The following ERC1 variants were observed in gnomAD, a reference collection of about 807,000 sequenced individuals.
The protein encoded by ERC1 is ELKS/RAB6-interacting/CAST family member 1, also known as RAB6 interacting protein 2.
A neutral mutation model predicts 132.0 loss-of-function variants in ERC1; 56 were observed. That is an observed-to-expected ratio of 0.42 (90% CI 0.34 to 0.53). ERC1 has a LOEUF of 0.53. Ranked by LOEUF, ERC1 falls within the 20% of genes least tolerant of loss-of-function variation. ERC1 has a pLI of 0.03. For synonymous variants in ERC1, 478 were observed against 476.1 expected, an observed-to-expected ratio of 1.00 and a Z score of -0.05; for missense variants, 1,202 against 1,349.9, an observed-to-expected ratio of 0.89 and a Z score of 1.72.
At chr12:1,196,947 CACACACACACACACATATATAT>C (rs1566214597) in intron 12 of ERC1, among the ~76,000 whole-genome samples, 1 of 37,602 alleles carries the variant, frequency 2.7e-5, no homozygotes, top group East Asian at 3.7e-4. Context: ...CACACACACA[CACACACACACACACATATATAT>C]ATATATATTT....
intron 5 of ERC1, among the ~76,000 whole-genome samples, chr12:1,111,904 G>A (rs746836159): frequency 5.9e-5 from 9 of 152,048 alleles, no homozygotes; most frequent in Non-Finnish European, 1.0e-4. Flanking sequence ...GAGCTGCTGC[G>A]CCTGGCCTCA....
chr12:1,037,707 T>C (rs925881808), intron 2 of ERC1, among the ~76,000 whole-genome samples: 3 of 152,130 alleles, frequency 2.0e-5, no homozygotes, highest in Admixed American at 2.0e-4. Flanking sequence ...GCACAAATAT[T>C]AAGGTTTTAA....
intron 8 of ERC1, among the ~76,000 whole-genome samples, chr12:1,168,032 A>G (rs1462555282): frequency 1.3e-5 from 2 of 152,040 alleles, no homozygotes; most frequent in Non-Finnish European, 1.5e-5. Context: ...GGCTTCTTAT[A>G]TACAGTGCAT....
chr12:1,429,226 G>C (rs932524419), intron 17 of ERC1, among the ~76,000 whole-genome samples: 1 of 152,218 alleles, frequency 6.6e-6, no homozygotes, highest in African/African-American at 2.4e-5. Context: ...TAGATTGTCT[G>C]TGTCTTCATG....
intron 8 of ERC1, among the ~76,000 whole-genome samples, chr12:1,161,461 A>C (rs185002032): frequency 6.6e-6 from 1 of 152,344 alleles, no homozygotes. Context: ...AGAGCTCTGC[A>C]TATGAATGCC....
At position 1,402,216 on chromosome 12, in the gene ERC1, C is replaced by T. The variant is rs1257951569; in HGVS notation, c.2926-5933C>T. 2.6e-5 allele frequency among the ~76,000 whole-genome samples: 4 copies of T among 152,128 alleles called. No homozygotes were observed. In the East Asian group the frequency reaches 5.8e-4, roughly 22 times the overall value. On this transcript the variant is annotated intron_variant, in intron 16 of 18. Transcript: ENST00000360905. ...AGCAGTTCTTGGAGGAAAATTTATA[C>T]TCTTAACACATATATAAAATTGAAA... is the stretch of plus-strand genomic sequence containing the variant.
intron 3 of ERC1, among the ~76,000 whole-genome samples, chr12:1,100,242 AC>A (rs747070582): frequency 8.7e-4 from 132 of 152,168 alleles, no homozygotes; most frequent in Non-Finnish European, 1.3e-3. Context: ...CAAGAGGGTG[AC>A]TGACATGTTG....
At chr12:1,004,491 C>T (rs1366245305) in intron 1 of ERC1, among the ~76,000 whole-genome samples, 1 of 148,034 alleles carries the variant, frequency 6.8e-6, no homozygotes, top group Non-Finnish European at 1.5e-5. Context: ...ACTGCAACCT[C>T]CGCCTCCTGG....
intron 1 of ERC1, among the ~76,000 whole-genome samples, chr12:1,015,320 A>T (rs1965345101): frequency 6.6e-6 from 1 of 151,944 alleles, no homozygotes; most frequent in Non-Finnish European, 1.5e-5. Flanking sequence ...CAGCCTTTTA[A>T]AGTGCTGGGA....
At position 1,027,672 on chromosome 12, in the gene ERC1, G is replaced by T. The variant is rs1006203143; in HGVS notation, c.-156-76G>T. ...GGTAGAAGGGCTAGATCTTCTTTAA[G>T]TGGGGGTAATGGAAAGTCTCTGAGA... is the stretch of plus-strand genomic sequence containing the variant. On this transcript the variant is annotated intron_variant, in intron 1 of 18. Transcript: ENST00000360905. 1.5e-5 allele frequency: 8 copies of T among 525,494 alleles called. No individual in the cohort carries two copies. In the Admixed American group the frequency reaches 2.0e-4, roughly 13 times the overall value. 32.6% of individuals were successfully genotyped at this position (525,494 alleles called of 1,614,324 possible). A position where few individuals can be genotyped will look rare whatever the true frequency, so the allele number is the denominator to read the frequency against.
chr12:1,427,400 C>T (rs1361156382), intron 17 of ERC1, among the ~76,000 whole-genome samples: 1 of 152,196 alleles, frequency 6.6e-6, no homozygotes, highest in Non-Finnish European at 1.5e-5. Flanking sequence ...CGTCCATAAT[C>T]CCATCACCCC....
intron 4 of ERC1, among the ~76,000 whole-genome samples, chr12:1,109,785 C>T (rs975610977): frequency 2.0e-5 from 3 of 152,204 alleles, no homozygotes; most frequent in South Asian, 2.1e-4. Flanking sequence ...TGGTGGCTCA[C>T]GCCCATAAGC....
chr12:1,106,148 A>G (rs1367889558), intron 4 of ERC1, among the ~76,000 whole-genome samples: 1 of 152,250 alleles, frequency 6.6e-6, no homozygotes, highest in African/African-American at 2.4e-5. Context: ...CAGTTTCTTT[A>G]TCAACAAATG....
rs982382720 is a variant in ERC1, at chr12:1,144,650, G to A, written c.1737+2863G>A. ...TATATATATACGTGTATATATATAC[G>A]TATATATATATATACACACCACATT... On this transcript the variant is annotated intron_variant, in intron 8 of 18. Coordinates refer to ENST00000360905, the MANE Select transcript of ERC1 (RefSeq NM_178040.4). 1.4e-4 allele frequency among the ~76,000 whole-genome samples: 19 copies of A among 140,340 alleles called. No individual in the cohort carries two copies. In the East Asian group the frequency reaches 2.2e-3, roughly 16 times the overall value. The allele number at this position is 140,340 out of a possible 152,430, so 92.1% of individuals were successfully genotyped here. A position where few individuals can be genotyped will look rare whatever the true frequency, so the allele number is the denominator to read the frequency against.
chr12:1,381,509 C>T (rs1353017529), intron 16 of ERC1, among the ~76,000 whole-genome samples: 2 of 151,640 alleles, frequency 1.3e-5, no homozygotes, highest in African/African-American at 4.8e-5. Flanking sequence ...TCAATGGCCT[C>T]TATTGACTAG....
At chr12:1,033,538 A>G (rs1366469961) in intron 2 of ERC1, among the ~76,000 whole-genome samples, 1 of 150,790 alleles carries the variant, frequency 6.6e-6, no homozygotes, top group Non-Finnish European at 1.5e-5. Flanking sequence ...ATCTCGGCTT[A>G]CTGGAAGCTC....
chr12:1,373,128 G>C (rs577413550), intron 16 of ERC1, among the ~76,000 whole-genome samples: 1 of 152,334 alleles, frequency 6.6e-6, no homozygotes, highest in East Asian at 1.9e-4. Flanking sequence ...TTAGCAAGAA[G>C]AGGACATCAT....
intron 14 of ERC1, among the ~76,000 whole-genome samples, chr12:1,279,707 G>A (rs1411040356): frequency 8.5e-6 from 1 of 118,168 alleles, no homozygotes; most frequent in African/African-American, 3.2e-5. Context: ...ATTTTTTTTT[G>A]AGACGGAGTC....
At chr12:1,478,586 G>A (rs2094020668) in intron 18 of ERC1, among the ~76,000 whole-genome samples, 1 of 151,942 alleles carries the variant, frequency 6.6e-6, no homozygotes, top group Non-Finnish European at 1.5e-5. Flanking sequence ...GAGGTCAGGA[G>A]ATCGAGACCA....
Sources: allele counts gnomAD v4.1 joint callset (sites outside exome capture counted in the v4.1 genomes callset), GRCh38; gene constraint gnomAD v4.1.1; transcripts MANE v1.5; gene names NCBI Gene and HGNC (gene_info 2026-07-23, HGNC 2026-07-21).